COG7: variants seen among roughly 807,000 people sequenced by gnomAD.
The protein encoded by COG7 is component of oligomeric golgi complex 7.
COG7 carries 49 observed loss-of-function variants against 91.5 expected under a neutral mutation model. That is an observed-to-expected ratio of 0.54 (90% CI 0.43 to 0.68). The LOEUF is 0.68. COG7 is among the 30% of genes least tolerant of loss of function. COG7 has a pLI of 0.00. For missense variants in COG7, 895 were observed against 961.3 expected (o/e 0.93, Z 0.91); for synonymous variants, 365 against 388.7 (o/e 0.94, Z 0.72).
intron 13 of COG7, among the ~76,000 whole-genome samples, chr16:23,399,058 C>T (rs571454995): frequency 2.4e-4 from 36 of 152,236 alleles, no homozygotes; most frequent in Admixed American, 1.6e-3. Context: ...GGAGTGACTC[C>T]GGCGGTCATG....
At chr16:23,451,463 T>C (rs1202001956) in intron 1 of COG7, among the ~76,000 whole-genome samples, 1 of 152,076 alleles carries the variant, frequency 6.6e-6, no homozygotes. Flanking sequence ...CCAGTAATCC[T>C]AGGGCTTTGG....
Position 23,433,568 on chromosome 16 carries a change from T to A in COG7, c.787A>T (p.Thr263Ser). 1 of 1,614,132 alleles carries A rather than the reference T, an allele frequency of 6.2e-7. No homozygotes were observed. The highest frequency in any genetic ancestry group is 8.5e-7 in the Non-Finnish European group (1 of 1,180,004). The stretch of plus-strand genomic sequence containing the variant: ...ACCTGTGTAGCCCACTGGATTTGTG[T>A]GTGCCAAGCACCAAGCAAGGCATCA... ...LYDALLGAWHTQIQWATQVFQ... is the reference protein window; with the variant it reads ...LYDALLGAWHSQIQWATQVFQ... Residue 263 changes from threonine to serine, a missense_variant, in exon 6 of 17, where the codon ACA becomes TCA. Physicochemically the swap from Thr to Ser is moderately conservative, Grantham distance 58. Transcript: ENST00000307149.
At position 23,452,862 on chromosome 16, in the gene COG7, G is replaced by A; in HGVS notation, c.133C>T (p.Gln45Ter). 1 of 1,613,822 alleles carries A rather than the reference G, an allele frequency of 6.2e-7. No individual in the cohort carries two copies. The highest frequency in any genetic ancestry group is 8.5e-7 in the Non-Finnish European group (1 of 1,179,942). ...TGGTTCACCTCTTGGATGAACAGCT[G>A]CAGCTTCATCACCAGGGTGGCTGCG... The part of the protein sequence containing the change: ...GHAATLVMKL[Q>*]LFIQEVNHAV... Residue 45 changes from glutamine to a stop codon, truncating the protein, a stop_gained, in exon 1 of 17, where the codon CAG (glutamine) becomes TAG (stop). Coordinates refer to ENST00000307149, the MANE Select transcript of COG7 (RefSeq NM_153603.4). LOFTEE classifies it high-confidence loss of function.
In COG7 at chr16:23,449,997, G is replaced by A. The variant is rs1032299608; in HGVS notation, c.169+2829C>T. Among the ~76,000 whole-genome samples, 6 of 151,724 alleles carry A rather than the reference G, an allele frequency of 4.0e-5. 1 individual carries two copies. In the South Asian group the frequency reaches 1.0e-3, roughly 26 times the overall value. On this transcript the variant is annotated intron_variant, in intron 1 of 16. Transcript: ENST00000307149. ...TCACCCAGGCTGGAGTGTAGTGGTG[G>A]GATCTCTGCTCACTGCAACTTCTGC...
intron 1 of COG7, among the ~76,000 whole-genome samples, chr16:23,449,896 T>C (rs1364235727): frequency 1.3e-5 from 2 of 152,042 alleles, no homozygotes; most frequent in Non-Finnish European, 1.5e-5. Context: ...AAAAAGAGTG[T>C]CTGACATGTA....
At chr16:23,431,740 C>T (rs902546928) in intron 6 of COG7, among the ~76,000 whole-genome samples, 8 of 145,210 alleles carry the variant, frequency 5.5e-5, no homozygotes, top group African/African-American at 7.7e-5. Context: ...ACCAGAGAGG[C>T]GGAGGTTGCA....
intron 6 of COG7, among the ~76,000 whole-genome samples, chr16:23,428,265 C>A (rs1963879887): frequency 6.6e-6 from 1 of 152,070 alleles, no homozygotes; most frequent in South Asian, 2.1e-4. Context: ...AGGAGAATTG[C>A]TTGAACCCAG....
At chr16:23,431,611 C>G (rs185642509) in intron 6 of COG7, among the ~76,000 whole-genome samples, 5 of 149,692 alleles carry the variant, frequency 3.3e-5, no homozygotes, top group Non-Finnish European at 5.9e-5. Flanking sequence ...GAGTTCGAGA[C>G]CAGCCCAGCC....
rs1963415053 is a variant in COG7 at position 23,403,720 on chromosome 16, G to GT, written c.1776dup (p.Gln593ThrfsTer23). 6.2e-7 allele frequency: 1 copy of GT among 1,614,188 alleles called. No individual in the cohort carries two copies. Among genetic ancestry groups the GT allele is most frequent in the Admixed American group, 1.7e-5 (1 of 60,022 alleles). On this transcript the variant is annotated frameshift_variant, in exon 13 of 17. Coordinates refer to ENST00000307149, the MANE Select transcript of COG7 (RefSeq NM_153603.4). LOFTEE classifies it high-confidence loss of function. ...TCCATCTTCGAAATAAGCAACAGCTGTTGTTTGATGCGCAGGAACACGGAA... is the reference window on the plus strand; with the variant it reads ...TCCATCTTCGAAATAAGCAACAGCTGTTTGTTTGATGCGCAGGAACACGGAA...
intron 6 of COG7, among the ~76,000 whole-genome samples, chr16:23,431,653 A>G (rs1297787090): frequency 6.6e-6 from 1 of 151,788 alleles, no homozygotes; most frequent in Non-Finnish European, 1.5e-5. Flanking sequence ...TACTAAAAAC[A>G]CAAAAATTAG....
chr16:23,409,625 G>A (rs2142069937), intron 11 of COG7, among the ~76,000 whole-genome samples: 1 of 152,236 alleles, frequency 6.6e-6, no homozygotes, highest in Non-Finnish European at 1.5e-5. Flanking sequence ...AGGAATAAAG[G>A]CATCAGCCAT....
chr16:23,421,851 A>C (rs946137754), intron 7 of COG7, among the ~76,000 whole-genome samples: 2 of 135,724 alleles, frequency 1.5e-5, no homozygotes, highest in African/African-American at 5.4e-5. Context: ...ACTCCATCTC[A>C]AAAAAAAAAA....
At chr16:23,400,745 G>A (rs953110258) in intron 13 of COG7, among the ~76,000 whole-genome samples, 8 of 152,148 alleles carry the variant, frequency 5.3e-5, no homozygotes, top group African/African-American at 9.7e-5. Context: ...TGAGGCGGGC[G>A]GATCACTTGA....
intron 1 of COG7, among the ~76,000 whole-genome samples, chr16:23,446,222 C>T (rs1411680124): frequency 6.6e-6 from 1 of 152,084 alleles, no homozygotes; most frequent in East Asian, 1.9e-4. Context: ...TCAACCTGTC[C>T]CAACACCAAC....
At chr16:23,401,431 G>A (rs1230189555) in intron 13 of COG7, among the ~76,000 whole-genome samples, 7 of 152,196 alleles carry the variant, frequency 4.6e-5, no homozygotes, top group Admixed American at 6.5e-5. Context: ...TGCAGAAGTA[G>A]AGGGAAAAGG....
chr16:23,390,710 G>T (rs762169668), intron 16 of COG7, among the ~76,000 whole-genome samples: 6 of 152,220 alleles, frequency 3.9e-5, no homozygotes, highest in Non-Finnish European at 7.3e-5. Context: ...CAAAGTGCTG[G>T]GATTACAGGC....
Position 23,406,176 on chromosome 16 carries a change from T to C in COG7, c.1562A>G (p.Lys521Arg). 6.2e-7 allele frequency: 1 copy of C among 1,614,068 alleles called. No homozygotes were observed. Among genetic ancestry groups the C allele is most frequent in the Non-Finnish European group, 8.5e-7 (1 of 1,179,936 alleles). The stretch of plus-strand genomic sequence containing the variant: ...CCATGGGTTCTTGGCAGAGTTCTTC[T>C]TGTCTGTCAAGATGCTCTCCTGAAA... ...AGFQESILTDKKNSAKNPWQE... is the reference protein window; with the variant it reads ...AGFQESILTDRKNSAKNPWQE... Residue 521 changes from lysine (K) to arginine (R), a missense_variant, in exon 12 of 17, where the codon AAG becomes AGG. By Grantham distance (26) the Lys-to-Arg change is conservative (BLOSUM62 2). Coordinates refer to ENST00000307149, the MANE Select transcript of COG7 (RefSeq NM_153603.4).
chr16:23,393,138 G>T, intron 15 of COG7, 95 bp downstream of exon 15: 2 of 864,600 alleles, frequency 2.3e-6, no homozygotes, highest in South Asian at 1.4e-5. Context: ...AGGACTTGGT[G>T]ACAAATGAGC....
chr16:23,409,094 CAT>C (rs1491139576), intron 11 of COG7, among the ~76,000 whole-genome samples: 163 of 90,192 alleles, frequency 1.8e-3, no homozygotes, highest in African/African-American at 8.2e-3. Context: ...TGTGTGCGTG[CAT>C]GTGTGTGTGT....
Sources: allele counts gnomAD v4.1 joint callset (sites outside exome capture counted in the v4.1 genomes callset), GRCh38; gene constraint gnomAD v4.1.1; transcripts MANE v1.5; gene names NCBI Gene and HGNC (gene_info 2026-07-23, HGNC 2026-07-21).